Variants in DPF3 observed in about 807,000 individuals in gnomAD.
DPF3 encodes the protein zinc finger protein DPF3.
DPF3 carries 18 observed loss-of-function variants against 56.8 expected under a neutral mutation model. The observed-to-expected ratio is 0.32, with a 90% CI of 0.22 to 0.47. DPF3 has a LOEUF of 0.47. DPF3 is among the 20% of genes least tolerant of loss of function. The pLI, the probability that DPF3 is intolerant of heterozygous loss-of-function variation, is 1.00. For synonymous variants in DPF3, 188 were observed against 180.2 expected (o/e 1.04, Z -0.35); for missense variants, 403 against 488.8 (o/e 0.82, Z 1.65).
chr14:72,706,788 C>T (rs1054132639), intron 6 of DPF3, among the ~76,000 whole-genome samples: 3 of 152,008 alleles, frequency 2.0e-5, no homozygotes, highest in Non-Finnish European at 2.9e-5. Context: ...AAGCATTATG[C>T]AAAGGTATAG....
intron 6 of DPF3, among the ~76,000 whole-genome samples, chr14:72,703,325 T>G (rs1297073608): frequency 1.3e-5 from 2 of 152,122 alleles, no homozygotes; most frequent in Non-Finnish European, 2.9e-5. Context: ...CAGCCACATT[T>G]CTTGGGGCCT....
intron 7 of DPF3, among the ~76,000 whole-genome samples, chr14:72,691,683 C>T (rs1186242790): frequency 2.0e-5 from 3 of 151,410 alleles, no homozygotes; most frequent in African/African-American, 4.9e-5. Context: ...GCCAAGATCA[C>T]GCCACTGTAC....
rs766395288 is a variant in DPF3, at chr14:72,617,133, G to C, written c.*2164C>G. ...GCAGAGCAGACATGGGGCTGAGATC[G>C]AACAGGGCTGCCCTATCACCTGCAC... On this transcript the variant is annotated 3_prime_UTR_variant, in exon 11 of 11. Transcript: ENST00000556509. Among the ~76,000 whole-genome samples the C allele has an allele frequency of 1.3e-5, 2 of 152,176 alleles. No homozygotes were observed. The highest frequency in any genetic ancestry group is 2.9e-5 in the Non-Finnish European group (2 of 68,028).
At chr14:72,721,807 T>A (rs1160469244) in intron 5 of DPF3, among the ~76,000 whole-genome samples, 1 of 151,960 alleles carries the variant, frequency 6.6e-6, no homozygotes, top group South Asian at 2.1e-4. Flanking sequence ...AAACTACCAG[T>A]TTTCAGGAAA....
chr14:72,704,317 G>T (rs1888314674), intron 6 of DPF3, among the ~76,000 whole-genome samples: 1 of 152,158 alleles, frequency 6.6e-6, no homozygotes, highest in Non-Finnish European at 1.5e-5. Flanking sequence ...AAATGTCATT[G>T]TCAACATTTC....
intron 1 of DPF3, among the ~76,000 whole-genome samples, chr14:72,858,951 G>A (rs1218686812): frequency 6.6e-6 from 1 of 151,832 alleles, no homozygotes; most frequent in African/African-American, 2.4e-5. Flanking sequence ...CACTATATAT[G>A]GGTGTATATG....
At chr14:72,786,440 A>G (rs1486789747) in intron 1 of DPF3, among the ~76,000 whole-genome samples, 1 of 152,160 alleles carries the variant, frequency 6.6e-6, no homozygotes, top group Non-Finnish European at 1.5e-5. Context: ...CCCAGGACTA[A>G]TTTTTGTAAA....
intron 8 of DPF3, among the ~76,000 whole-genome samples, chr14:72,649,911 G>A (rs184167713): frequency 1.1e-4 from 16 of 152,300 alleles, no homozygotes; most frequent in Non-Finnish European, 2.2e-4. Flanking sequence ...ATCCATGCAA[G>A]TAACCACTAC....
Position 72,768,216 on chromosome 14 carries a change from C to A in DPF3, c.193+3517G>T, listed in dbSNP as rs578208174. Among the ~76,000 whole-genome samples, 46 of 152,266 alleles carry A rather than the reference C, an allele frequency of 3.0e-4. No homozygotes were observed. The South Asian group carries it at 7.0e-3, about 23-fold the overall frequency. On this transcript the variant is annotated intron_variant, in intron 2 of 10. Coordinates refer to ENST00000556509, the MANE Select transcript of DPF3 (RefSeq NM_001280542.3). Reference sequence around the variant, plus strand: ...TTGGAACTTCAGTAAGTAAGAAAAACAACGAAGGAGTAAAAATATGAGTAA... The same window carrying A: ...TTGGAACTTCAGTAAGTAAGAAAAAAAACGAAGGAGTAAAAATATGAGTAA...
chr14:72,782,139 C>T (rs1040460788), intron 1 of DPF3, among the ~76,000 whole-genome samples: 8 of 152,152 alleles, frequency 5.3e-5, no homozygotes, highest in African/African-American at 1.9e-4. Flanking sequence ...GCTGCCCTCC[C>T]CAGTAAAGGG....
At chr14:72,662,647 G>A (rs1370461689) in intron 8 of DPF3, 49 of 985,304 alleles carry the variant, frequency 5.0e-5, no homozygotes, top group African/African-American at 2.1e-4. Context: ...GCTGAGTTGC[G>A]CTGCAGGATT....
At chr14:72,679,902 G>C (rs1375685327) in intron 7 of DPF3, among the ~76,000 whole-genome samples, 4 of 152,250 alleles carry the variant, frequency 2.6e-5, no homozygotes, top group Non-Finnish European at 5.9e-5. Context: ...GGCCGGAGAT[G>C]AGAGGGTGGG....
At chr14:72,621,672 G>C (rs1884457981) in intron 9 of DPF3, among the ~76,000 whole-genome samples, 1 of 152,200 alleles carries the variant, frequency 6.6e-6, no homozygotes, top group South Asian at 2.1e-4. Context: ...CATTCAAGAG[G>C]CCCGGGGACC....
At chr14:72,826,660 G>A (rs1883815922) in intron 1 of DPF3, among the ~76,000 whole-genome samples, 1 of 152,166 alleles carries the variant, frequency 6.6e-6, no homozygotes, top group Non-Finnish European at 1.5e-5. Flanking sequence ...CTATGTGCAA[G>A]GCATCTGCAG....
chr14:72,714,133 G>A (rs773326238), intron 6 of DPF3, among the ~76,000 whole-genome samples: 34 of 152,358 alleles, frequency 2.2e-4, no homozygotes, highest in Non-Finnish European at 2.8e-4. Context: ...GCGTGAGAGA[G>A]AGAGCCGGAG....
intron 8 of DPF3, chr14:72,661,224 C>A (rs1273466990): frequency 2.0e-6 from 2 of 985,028 alleles, no homozygotes; most frequent in African/African-American, 3.5e-5. Flanking sequence ...TACCAGAAAA[C>A]GTCAGAGAAA....
chr14:72,810,374 A>G (rs1882985658), intron 1 of DPF3, among the ~76,000 whole-genome samples: 1 of 152,214 alleles, frequency 6.6e-6, no homozygotes, highest in African/African-American at 2.4e-5. Context: ...CAGAGGAAGG[A>G]AGAGACGGGC....
intron 7 of DPF3, among the ~76,000 whole-genome samples, chr14:72,688,922 T>C (rs1033799181): frequency 2.0e-5 from 3 of 152,044 alleles, no homozygotes; most frequent in African/African-American, 7.3e-5. Flanking sequence ...CTTCCTGTAG[T>C]TGAGGCAGAG....
intron 1 of DPF3, among the ~76,000 whole-genome samples, chr14:72,889,056 C>T (rs1195652583): frequency 6.6e-6 from 1 of 152,168 alleles, no homozygotes; most frequent in Non-Finnish European, 1.5e-5. Flanking sequence ...CAGCTTTAGA[C>T]ATTATGGTCT....
Sources: allele counts gnomAD v4.1 joint callset (sites outside exome capture counted in the v4.1 genomes callset), GRCh38; gene constraint gnomAD v4.1.1; transcripts MANE v1.5; gene names NCBI Gene and HGNC (gene_info 2026-07-23, HGNC 2026-07-21).